RFTN2: variants seen among roughly 807,000 people sequenced by gnomAD.
The protein encoded by RFTN2 is raftlin-2.
Under a neutral mutation model 52.7 loss-of-function variants are expected in RFTN2, and 34 were observed. The observed-to-expected ratio is 0.64, with a 90% CI of 0.49 to 0.86. The LOEUF (loss-of-function observed/expected upper bound fraction) is 0.86, where lower values mean the gene tolerates loss of function less well. RFTN2 is among the 40% of genes least tolerant of loss of function. The probability of loss-of-function intolerance (pLI) is 0.00; values close to 1 mark genes in which losing one functional copy is unlikely to be tolerated. For missense variants in RFTN2, 536 were observed against 600.1 expected, an observed-to-expected ratio of 0.89 and a Z score of 1.12; for synonymous variants, 203 against 217.7, an observed-to-expected ratio of 0.93 and a Z score of 0.59.
intron 1 of RFTN2, among the ~76,000 whole-genome samples, chr2:197,671,914 T>C (rs1359988935): frequency 6.6e-6 from 1 of 152,326 alleles, no homozygotes; most frequent in East Asian, 1.9e-4. Context: ...TACAAGGAGG[T>C]AAATTAATCC....
chr2:197,674,555 T>G (rs1035901637), intron 1 of RFTN2, among the ~76,000 whole-genome samples: 1 of 152,126 alleles, frequency 6.6e-6, no homozygotes, highest in African/African-American at 2.4e-5. Flanking sequence ...TCATTTTTAC[T>G]ACTTCATAAT....
chr2:197,660,789 C>T (rs2088966882), intron 1 of RFTN2, among the ~76,000 whole-genome samples: 2 of 151,904 alleles, frequency 1.3e-5, no homozygotes, highest in South Asian at 4.2e-4. Context: ...GAACTCCTGG[C>T]CTGAAGTGAT....
rs1302592370 is a variant in RFTN2, at chr2:197,570,798, C to T, written c.*1210G>A. 6.6e-6 allele frequency: 1 copy of T among 152,144 alleles called. No individual in the cohort carries two copies. Among genetic ancestry groups the T allele is most frequent in the Non-Finnish European group, 1.5e-5 (1 of 68,016 alleles). 9.4% of individuals were successfully genotyped at this position (152,144 alleles called of 1,614,324 possible). On this transcript the variant is annotated 3_prime_UTR_variant, in exon 9 of 9. Coordinates refer to ENST00000295049, the MANE Select transcript of RFTN2 (RefSeq NM_144629.3). ...ATATTTGTGTTCAATAAAACAATAA[C>T]ACAATAAAAATGATGTTTTATTATT...
chr2:197,571,751 G>T lies in RFTN2; in HGVS notation c.*257C>A, dbSNP rs1017170923. 2.0e-6 allele frequency: 1 copy of T among 488,800 alleles called. No homozygotes were observed. Among genetic ancestry groups the T allele is most frequent in the Non-Finnish European group, 3.7e-6 (1 of 273,266 alleles). 30.3% of individuals were successfully genotyped at this position (488,800 alleles called of 1,614,324 possible). ...ATGAGAAGCTGAAATAGATTATTGT[G>T]TAATAACCGAATGGAACATCTGTTT... On this transcript the variant is annotated 3_prime_UTR_variant, in exon 9 of 9. Transcript: ENST00000295049.
rs143543615 is a variant in RFTN2 at position 197,630,858 on chromosome 2, A to G, written c.928+153T>C. On this transcript the variant is annotated intron_variant, in intron 5 of 8. Coordinates refer to ENST00000295049, the MANE Select transcript of RFTN2 (RefSeq NM_144629.3). ...TGAAGGAGCTTTAAGCTTTTAAATTAAAGCTACATATCTGTGTAACAGCTG... is the reference window on the plus strand; with the variant it reads ...TGAAGGAGCTTTAAGCTTTTAAATTGAAGCTACATATCTGTGTAACAGCTG... Among the ~76,000 whole-genome samples the G allele has an allele frequency of 7.9e-5, 12 of 152,306 alleles. No individual in the cohort carries two copies. The East Asian group carries it at 2.3e-3, about 29-fold the overall frequency.
intron 5 of RFTN2, among the ~76,000 whole-genome samples, chr2:197,630,320 T>C (rs941070694): frequency 5.3e-5 from 8 of 152,230 alleles, no homozygotes; most frequent in African/African-American, 1.9e-4. Flanking sequence ...CTGGATTTCC[T>C]AAACTTCACC....
In RFTN2 at chr2:197,571,875, T is replaced by C. The variant is rs1426927683; in HGVS notation, c.*133A>G. The C allele has an allele frequency of 9.7e-6, 8 of 826,266 alleles. No homozygotes were observed. The highest frequency in any genetic ancestry group is 1.5e-5 in the Non-Finnish European group (8 of 529,616). 51.2% of individuals were successfully genotyped at this position (826,266 alleles called of 1,614,324 possible). On this transcript the variant is annotated 3_prime_UTR_variant, in exon 9 of 9. Transcript: ENST00000295049. Reference sequence around the variant, plus strand: ...CTGGGAGGTTGTGCCAAAGTTTACATAGATTAGAGGAAAGGCTGGGTCTGG... The same window carrying C: ...CTGGGAGGTTGTGCCAAAGTTTACACAGATTAGAGGAAAGGCTGGGTCTGG...
chr2:197,642,069 A>C (rs1485483304), intron 3 of RFTN2, among the ~76,000 whole-genome samples: 1 of 152,264 alleles, frequency 6.6e-6, no homozygotes, highest in Non-Finnish European at 1.5e-5. Flanking sequence ...GTGCTAATAA[A>C]CAATATGCGT....
intron 3 of RFTN2, among the ~76,000 whole-genome samples, chr2:197,640,437 G>A (rs1379293395): frequency 3.3e-5 from 5 of 152,282 alleles, no homozygotes; most frequent in African/African-American, 1.2e-4. Flanking sequence ...TAATCTCGTG[G>A]TGCGCCGTTT....
intron 4 of RFTN2, among the ~76,000 whole-genome samples, chr2:197,632,668 G>A (rs2088485728): frequency 6.6e-6 from 1 of 152,198 alleles, no homozygotes; most frequent in Non-Finnish European, 1.5e-5. Context: ...GGGAATGGGT[G>A]AGAAAAGAGG....
At chr2:197,598,909 T>C (rs1416709805) in intron 7 of RFTN2, among the ~76,000 whole-genome samples, 1 of 152,146 alleles carries the variant, frequency 6.6e-6, no homozygotes, top group Non-Finnish European at 1.5e-5. Context: ...AAAAAGGGCT[T>C]ATTTTCTGGA....
chr2:197,579,953 C>G (rs766489591), intron 8 of RFTN2, among the ~76,000 whole-genome samples: 2 of 152,132 alleles, frequency 1.3e-5, no homozygotes, highest in African/African-American at 4.8e-5. Context: ...GTGGCTGGAG[C>G]TAAAGGCGTA....
intron 3 of RFTN2, among the ~76,000 whole-genome samples, chr2:197,634,297 T>C (rs2088522311): frequency 6.6e-6 from 1 of 152,144 alleles, no homozygotes; most frequent in Non-Finnish European, 1.5e-5. Context: ...GTAGCATGAT[T>C]TTTGCAGACC....
Position 197,644,231 on chromosome 2 carries a change from C to T in RFTN2, c.365G>A (p.Arg122Lys), listed in dbSNP as rs2088715678. ...SAAPSGQRRP[R>K]LVIEECPLTS... Reference sequence around the variant, plus strand: ...TAGGGGACATTCCTCAATCACGAGCCTTGGGCGTCTTTGTCCACTGGGTGC... The same window carrying T: ...TAGGGGACATTCCTCAATCACGAGCTTTGGGCGTCTTTGTCCACTGGGTGC... Residue 122 changes from arginine (R) to lysine (K), a missense_variant, in exon 3 of 9, where the codon AGG becomes AAG. By Grantham distance (26) the Arg-to-Lys change is conservative. Coordinates refer to ENST00000295049, the MANE Select transcript of RFTN2 (RefSeq NM_144629.3). The T allele has an allele frequency of 1.2e-6, 2 of 1,613,190 alleles. No individual in the cohort carries two copies. The highest frequency in any genetic ancestry group is 1.7e-6 in the Non-Finnish European group (2 of 1,179,196).
intron 4 of RFTN2, among the ~76,000 whole-genome samples, chr2:197,631,501 A>G (rs558447533): frequency 2.1e-3 from 321 of 152,320 alleles, no homozygotes; most frequent in Non-Finnish European, 3.2e-3. Context: ...TAATCTTTTA[A>G]TACACACTTA....
At chr2:197,607,183 A>T (rs1022152498) in intron 7 of RFTN2, among the ~76,000 whole-genome samples, 3 of 152,216 alleles carry the variant, frequency 2.0e-5, no homozygotes, top group African/African-American at 4.8e-5. Context: ...CTTTGTAGGG[A>T]CATGGATGAA....
chr2:197,627,740 T>C (rs2088389403), intron 5 of RFTN2, among the ~76,000 whole-genome samples: 1 of 152,090 alleles, frequency 6.6e-6, no homozygotes. Context: ...GCTAATTGTG[T>C]GTGTGTCCCA....
intron 5 of RFTN2, among the ~76,000 whole-genome samples, chr2:197,626,457 G>T (rs1476429727): frequency 1.3e-5 from 2 of 151,628 alleles, no homozygotes; most frequent in Non-Finnish European, 2.9e-5. Context: ...CTGGTTACTC[G>T]GGAGGCTGAG....
rs2087795942 is a variant in RFTN2, at chr2:197,596,513, TAACTC to T, written c.1155-449_1155-445del. 4.6e-5 allele frequency among the ~76,000 whole-genome samples: 7 copies of T among 152,368 alleles called. No homozygotes were observed. In the South Asian group the frequency reaches 1.4e-3, roughly 32 times the overall value. On this transcript the variant is annotated intron_variant, in intron 7 of 8. Transcript: ENST00000295049. ...AATCCTATTTTTAATGGTTGCATAA[TAACTC>T]AAAGAATTAAGATACCAAAATGTAC...
Sources: allele counts gnomAD v4.1 joint callset (sites outside exome capture counted in the v4.1 genomes callset), GRCh38; gene constraint gnomAD v4.1.1; transcripts MANE v1.5; gene names NCBI Gene and HGNC (gene_info 2026-07-23, HGNC 2026-07-21).